The following ZNF266 variants were observed in gnomAD, a reference collection of about 807,000 sequenced individuals.
The protein encoded by ZNF266 is zinc finger protein 1.
In ZNF266, 16 loss-of-function variants were observed where a neutral mutation model predicts 16.4. The ratio of observed to expected loss-of-function variants is 0.98; its 90% CI spans 0.66 to 1.48. The LOEUF (loss-of-function observed/expected upper bound fraction) is 1.48. ZNF266 is among the 40% of genes most tolerant of loss of function. The probability of loss-of-function intolerance (pLI) is 0.00; values close to 1 mark genes in which losing one functional copy is unlikely to be tolerated. For missense variants in ZNF266, 738 were observed against 689.1 expected (o/e 1.07, Z -0.79); for synonymous variants, 262 against 237.9 (o/e 1.10, Z -0.93).
rs1006349318 is a variant in ZNF266 at position 9,435,460 on chromosome 19, C to G, written c.-734G>C. 6.6e-6 allele frequency: 1 copy of G among 152,366 alleles called. No homozygotes were observed. Among genetic ancestry groups the G allele is most frequent in the Admixed American group, 6.5e-5 (1 of 15,288 alleles). 9.4% of individuals were successfully genotyped at this position (152,366 alleles called of 1,614,324 possible). On this transcript the variant is annotated 5_prime_UTR_variant, in exon 1 of 11. Coordinates refer to ENST00000592904, the MANE Select transcript of ZNF266 (RefSeq NM_001370374.1). ...GGGCAAACCGGTACTTTCGCCACCC[C>G]TTCCACCGCTGGCTCCCACCCGTCA...
chr19:9,417,602 CTG>C, intron 9 of ZNF266, among the ~76,000 whole-genome samples: 1 of 152,080 alleles, frequency 6.6e-6, no homozygotes. Context: ...TGGCGTGAGC[CTG>C]TAATCCCAGC....
At position 9,435,109 on chromosome 19, in the gene ZNF266, GC is replaced by G. The variant is rs373726968; in HGVS notation, c.-474del. 1.3e-5 allele frequency: 2 copies of G among 152,170 alleles called. No homozygotes were observed. Among genetic ancestry groups the G allele is most frequent in the African/African-American group, 4.8e-5 (2 of 41,490 alleles). 9.4% of individuals were successfully genotyped at this position (152,170 alleles called of 1,614,324 possible). A position where few individuals can be genotyped will look rare whatever the true frequency, so the allele number is the denominator to read the frequency against. On this transcript the variant is annotated splice_region_variant and 5_prime_UTR_variant, in exon 2 of 11. Coordinates refer to ENST00000592904, the MANE Select transcript of ZNF266 (RefSeq NM_001370374.1). ...ACCAACTTTCACCCCAGTACTCACC[GC>G]GACGAGCTGGACTCGCCAGGTACGG...
In ZNF266 at chr19:9,413,956, G is replaced by T. The variant is rs563874624; in HGVS notation, c.1170C>A (p.Pro390=). 2.0e-4 allele frequency: 330 copies of T among 1,614,136 alleles called. 6 individuals carry two copies. The South Asian group carries it at 3.5e-3, about 17-fold the overall frequency. The change falls in exon 11 of 11, where the codon CCC becomes CCA. Residue 390 remains proline (P), a synonymous_variant. Transcript: ENST00000592904. ...EHLKTHTAKD[P]FECKICGKSF... is the part of the protein sequence containing the mutation. ...ATTTTCCACATATCTTACATTCAAA[G>T]GGATCCTTTGCAGTGTGAGTTTTTA...
At chr19:9,432,225 T>C (rs755114634) in intron 5 of ZNF266, among the ~76,000 whole-genome samples, 33 of 152,188 alleles carry the variant, frequency 2.2e-4, no homozygotes, top group Non-Finnish European at 3.4e-4. Context: ...TCCCAAAGTG[T>C]TGGGATTACA....
chr19:9,416,433 G>A (rs570381656), intron 9 of ZNF266, among the ~76,000 whole-genome samples: 10 of 146,968 alleles, frequency 6.8e-5, no homozygotes, highest in Non-Finnish European at 1.2e-4. Flanking sequence ...GAACAATCTC[G>A]GCTCACTGCA....
Position 9,413,459 on chromosome 19 carries a change from T to C in ZNF266, c.1667A>G (p.Glu556Gly), listed in dbSNP as rs2068510935. 4 of 1,614,058 alleles carry C rather than the reference T, an allele frequency of 2.5e-6. No homozygotes were observed. Among genetic ancestry groups the C allele is most frequent in the African/African-American group, 2.7e-5 (2 of 74,934 alleles). The change falls in exon 11 of 11, where the codon GAA becomes GGA. Residue 556 changes from glutamate (E) to glycine (G), a missense_variant. Coordinates refer to ENST00000592904, the MANE Select transcript of ZNF266 (RefSeq NM_001370374.1). ...ACACTGTTTACATTTGTAGGGTTTT[T>C]CTCCAGTGTGGATCCGCATGTGAAG... is the stretch of plus-strand genomic sequence containing the variant. ...VNLHMRIHTG[E>G]KPYKCKQCGK...
chr19:9,417,139 GGC>G lies in ZNF266; in HGVS notation c.316+687_316+688del, dbSNP rs1317865529. ...TAATCCCAGCACTTTGGGAGGCCAA[GGC>G]AGGTGGATCACTTGAAGTCAGGAGT... On this transcript the variant is annotated intron_variant, in intron 9 of 10. Coordinates refer to ENST00000592904, the MANE Select transcript of ZNF266 (RefSeq NM_001370374.1). 2.6e-5 allele frequency among the ~76,000 whole-genome samples: 4 copies of G among 151,762 alleles called. No homozygotes were observed. In the East Asian group the frequency reaches 8.0e-4, roughly 30 times the overall value.
In ZNF266 at chr19:9,433,664, T is replaced by C. The variant is rs2071982716; in HGVS notation, c.-130+4A>G. ...ATTTACATCATTTGTCAGATATCAC[T>C]TACTTTGGCCAGGCACAGTGGCTTA... On this transcript the variant is annotated splice_donor_region_variant and intron_variant, in intron 5 of 10. Coordinates refer to ENST00000592904, the MANE Select transcript of ZNF266 (RefSeq NM_001370374.1). 1 of 152,000 alleles carries C rather than the reference T, an allele frequency of 6.6e-6. No individual in the cohort carries two copies. The highest frequency in any genetic ancestry group is 2.4e-5 in the African/African-American group (1 of 41,386). The allele number at this position is 152,000 out of a possible 1,614,324, so 9.4% of individuals were successfully genotyped here.
chr19:9,413,071 G>T lies in ZNF266; in HGVS notation c.*204C>A. 5.4e-6 allele frequency: 3 copies of T among 559,622 alleles called. No individual in the cohort carries two copies. Among genetic ancestry groups the T allele is most frequent in the Non-Finnish European group, 9.0e-6 (3 of 332,690 alleles). 34.7% of individuals were successfully genotyped at this position (559,622 alleles called of 1,614,324 possible). A position where few individuals can be genotyped will look rare whatever the true frequency, so the allele number is the denominator to read the frequency against. ...ACAGTTTCTCTCCAGTGAGATTTCT[G>T]ATGTGTTTGGTAAGGCTTGAGAATT... On this transcript the variant is annotated 3_prime_UTR_variant, in exon 11 of 11. Transcript: ENST00000592904.
intron 5 of ZNF266, among the ~76,000 whole-genome samples, chr19:9,423,824 C>T (rs190571060): frequency 2.9e-4 from 44 of 152,140 alleles, no homozygotes; most frequent in African/African-American, 1.1e-3. Flanking sequence ...GGTGAAACCC[C>T]GTCTCTACTA....
chr19:9,434,606 C>T (rs2072171152), intron 3 of ZNF266, among the ~76,000 whole-genome samples, 192 bp downstream of exon 3: 1 of 152,132 alleles, frequency 6.6e-6, no homozygotes, highest in Non-Finnish European at 1.5e-5. Context: ...CGTAATAGAT[C>T]CCAAAACAAT....
chr19:9,421,739 C>G (rs1173093489), intron 5 of ZNF266, among the ~76,000 whole-genome samples: 8 of 152,184 alleles, frequency 5.3e-5, no homozygotes, highest in Non-Finnish European at 1.2e-4. Context: ...GTGGACTTGT[C>G]TATTTCTTCT....
In ZNF266 at chr19:9,414,361, T is replaced by C. The variant is rs745530904; in HGVS notation, c.765A>G (p.Glu255=). 6.2e-7 allele frequency: 1 copy of C among 1,614,218 alleles called. No individual in the cohort carries two copies. The highest frequency in any genetic ancestry group is 8.5e-7 in the Non-Finnish European group (1 of 1,180,020). ...HNGESLHEWK[E]CGRGFIHSTD... is the part of the protein sequence containing the mutation. ...TGGAGTGAATAAAGCCTCTCCCACATTCCTTCCATTCATGGAGACTTTCTC... is the reference window on the plus strand; with the variant it reads ...TGGAGTGAATAAAGCCTCTCCCACACTCCTTCCATTCATGGAGACTTTCTC... Residue 255 remains glutamate (E), a synonymous_variant, in exon 11 of 11, where the codon GAA becomes GAG. Coordinates refer to ENST00000592904, the MANE Select transcript of ZNF266 (RefSeq NM_001370374.1).
At chr19:9,433,081 C>T (rs2071872690) in intron 5 of ZNF266, among the ~76,000 whole-genome samples, 1 of 152,216 alleles carries the variant, frequency 6.6e-6, no homozygotes, top group South Asian at 2.1e-4. Flanking sequence ...ATTAAGCTAA[C>T]ATGTGCATCT....
At chr19:9,418,689 G>A in intron 7 of ZNF266, 58 bp from the exon 8 acceptor site, 1 of 857,008 alleles carries the variant, frequency 1.2e-6, no homozygotes, top group South Asian at 1.5e-5. Context: ...AGTGTTCACT[G>A]CAAAATGCAA....
At chr19:9,425,638 C>T (rs1446891784) in intron 5 of ZNF266, among the ~76,000 whole-genome samples, 2 of 152,208 alleles carry the variant, frequency 1.3e-5, no homozygotes, top group Non-Finnish European at 2.9e-5. Flanking sequence ...GGCTCCACAG[C>T]CTGCTGGGGT....
At chr19:9,430,294 G>A (rs1307872137) in intron 5 of ZNF266, among the ~76,000 whole-genome samples, 1 of 152,128 alleles carries the variant, frequency 6.6e-6, no homozygotes, top group African/African-American at 2.4e-5. Flanking sequence ...TGCTTTAAAG[G>A]TGGCTGCTTT....
chr19:9,412,633 G>A lies in ZNF266; in HGVS notation c.*642C>T, dbSNP rs1451137436. 1.3e-5 allele frequency: 2 copies of A among 152,206 alleles called. No individual in the cohort carries two copies. The highest frequency in any genetic ancestry group is 2.4e-5 in the African/African-American group (1 of 41,448). The allele number at this position is 152,206 out of a possible 1,614,324, so 9.4% of individuals were successfully genotyped here. A position where few individuals can be genotyped will look rare whatever the true frequency, so the allele number is the denominator to read the frequency against. The stretch of plus-strand genomic sequence containing the variant: ...AGAAATTTATTGCCTCACAGTTCTG[G>A]AGCCTGGAAGTGCAATATCAAGGTG... On this transcript the variant is annotated 3_prime_UTR_variant, in exon 11 of 11. Coordinates refer to ENST00000592904, the MANE Select transcript of ZNF266 (RefSeq NM_001370374.1).
intron 5 of ZNF266, among the ~76,000 whole-genome samples, chr19:9,424,727 T>A (rs978956323): frequency 6.6e-6 from 1 of 152,240 alleles, no homozygotes; most frequent in Non-Finnish European, 1.5e-5. Flanking sequence ...ACATTTATAA[T>A]TTTGTCTTTA....
Sources: gnomAD v4.1 joint callset for allele counts (sites outside exome capture counted in the v4.1 genomes callset) on GRCh38, gnomAD v4.1.1 for gene constraint, MANE v1.5 for transcripts, NCBI Gene and HGNC (gene_info 2026-07-23, HGNC 2026-07-21) for gene names.